LRRC4C: variants seen among roughly 807,000 people sequenced by gnomAD.
The protein encoded by LRRC4C is leucine-rich repeat-containing protein 4C.
In LRRC4C, 5 loss-of-function variants were observed where a neutral mutation model predicts 33.6. The ratio of observed to expected loss-of-function variants is 0.15; its 90% confidence interval spans 0.08 to 0.31. The LOEUF (loss-of-function observed/expected upper bound fraction) is 0.31, where lower values mean the gene tolerates loss of function less well. LRRC4C is among the 10% of genes least tolerant of loss of function. The pLI, the probability that LRRC4C is intolerant of heterozygous loss-of-function variation, is 1.00. For synonymous variants in LRRC4C, 329 were observed against 302.0 expected, an observed-to-expected ratio of 1.09 and a Z score of -0.93; for missense variants, 560 against 796.7, an observed-to-expected ratio of 0.70 and a Z score of 3.58.
intron 4 of LRRC4C, among the ~76,000 whole-genome samples, chr11:40,308,475 AC>A (rs1448704965): frequency 1.3e-5 from 2 of 152,196 alleles, no homozygotes; most frequent in African/African-American, 4.8e-5. Flanking sequence ...GGCAAAAGGG[AC>A]CTTGCAGGTA....
At chr11:40,695,804 G>T (rs1271201163) in intron 2 of LRRC4C, among the ~76,000 whole-genome samples, 1 of 151,834 alleles carries the variant, frequency 6.6e-6, no homozygotes, top group Non-Finnish European at 1.5e-5. Context: ...TTACTTACGA[G>T]GAGACAATGA....
At chr11:41,097,073 G>C (rs1326396212) in intron 1 of LRRC4C, among the ~76,000 whole-genome samples, 1 of 152,088 alleles carries the variant, frequency 6.6e-6, no homozygotes, top group African/African-American at 2.4e-5. Context: ...CTAAGAGATG[G>C]GGCAGGTTCT....
At chr11:40,438,899 T>C (rs1025532086) in intron 3 of LRRC4C, among the ~76,000 whole-genome samples, 3 of 150,806 alleles carry the variant, frequency 2.0e-5, no homozygotes, top group African/African-American at 7.3e-5. Flanking sequence ...GTTTTTCAAA[T>C]CTACAGGGTT....
intron 1 of LRRC4C, among the ~76,000 whole-genome samples, chr11:41,176,405 T>C (rs941922876): frequency 6.6e-6 from 1 of 152,156 alleles, no homozygotes; most frequent in African/African-American, 2.4e-5. Context: ...TTCACAATAA[T>C]TCCCAGTCAA....
intron 1 of LRRC4C, among the ~76,000 whole-genome samples, chr11:41,445,142 G>A (rs902366403): frequency 1.1e-4 from 17 of 152,128 alleles, no homozygotes; most frequent in African/African-American, 3.9e-4. Context: ...AGCTCCGGCA[G>A]TAAACTGTAC....
intron 1 of LRRC4C, among the ~76,000 whole-genome samples, chr11:40,957,791 A>G (rs1031399182): frequency 1.3e-4 from 20 of 151,658 alleles, no homozygotes; most frequent in African/African-American, 4.4e-4. Flanking sequence ...GGGGTTTCCA[A>G]TGCAGATTTC....
intron 5 of LRRC4C, among the ~76,000 whole-genome samples, chr11:40,204,023 A>G (rs1862963686): frequency 6.6e-6 from 1 of 152,160 alleles, no homozygotes; most frequent in African/African-American, 2.4e-5. Flanking sequence ...CCTGGGCTCA[A>G]GAGACCATCA....
chr11:40,244,478 A>G (rs1378663757), intron 4 of LRRC4C, among the ~76,000 whole-genome samples: 3 of 152,206 alleles, frequency 2.0e-5, no homozygotes, highest in Admixed American at 2.0e-4. Flanking sequence ...ACACCTGGAT[A>G]GACTTTCGCC....
chr11:40,628,395 G>A (rs534404368), intron 3 of LRRC4C, among the ~76,000 whole-genome samples: 10 of 152,068 alleles, frequency 6.6e-5, no homozygotes, highest in South Asian at 2.1e-4. Flanking sequence ...GGAGAACGGC[G>A]TGAACCCGGG....
intron 3 of LRRC4C, among the ~76,000 whole-genome samples, chr11:40,526,502 G>C (rs1175290198): frequency 6.6e-6 from 1 of 151,952 alleles, no homozygotes. Flanking sequence ...AGTCACCAGG[G>C]AAATACAAAT....
chr11:40,413,353 T>C (rs1259433717), intron 3 of LRRC4C, among the ~76,000 whole-genome samples: 1 of 152,064 alleles, frequency 6.6e-6, no homozygotes, highest in Non-Finnish European at 1.5e-5. Context: ...AATGGGATTG[T>C]TTTATATGGC....
intron 2 of LRRC4C, among the ~76,000 whole-genome samples, chr11:40,878,652 T>C (rs953122266): frequency 1.3e-5 from 2 of 152,198 alleles, no homozygotes; most frequent in African/African-American, 4.8e-5. Context: ...CTGTGCAGCC[T>C]GGTGTTTTGG....
chr11:41,028,653 T>A lies in LRRC4C; in HGVS notation c.-495-94930A>T, dbSNP rs189107029. 7.0e-3 allele frequency among the ~76,000 whole-genome samples: 1,065 copies of A among 151,364 alleles called. 11 individuals carry two copies. The highest frequency in any genetic ancestry group is 0.024 in the African/African-American group (986 of 41,368). On this transcript the variant is annotated intron_variant, in intron 1 of 6. Transcript: ENST00000528697. ...TCAAGTCTAAACTCCACCTTGCCAT[T>A]CAAAGCCTTGAAGAGGGCCTCAATT...
intron 1 of LRRC4C, among the ~76,000 whole-genome samples, chr11:41,044,721 A>G (rs1273795966): frequency 1.3e-5 from 2 of 152,146 alleles, no homozygotes; most frequent in Non-Finnish European, 2.9e-5. Flanking sequence ...TATGTGATAT[A>G]CTAGTGGAGA....
chr11:40,729,927 T>TA (rs1479042154), intron 2 of LRRC4C, among the ~76,000 whole-genome samples: 13 of 152,090 alleles, frequency 8.5e-5, no homozygotes, highest in Non-Finnish European at 1.5e-4. Context: ...TATGCAGCCA[T>TA]AAAAAATGAT....
chr11:40,577,050 T>C (rs1243345145), intron 3 of LRRC4C, among the ~76,000 whole-genome samples: 1 of 152,206 alleles, frequency 6.6e-6, no homozygotes, highest in Non-Finnish European at 1.5e-5. Context: ...AACCTGTGTG[T>C]AGTCTTCTGT....
At position 40,743,265 on chromosome 11, in the gene LRRC4C, T is replaced by C. The variant is rs73473358; in HGVS notation, c.-406-94987A>G. On this transcript the variant is annotated intron_variant, in intron 2 of 6. Coordinates refer to ENST00000528697, the MANE Select transcript of LRRC4C (RefSeq NM_001258419.2). The stretch of plus-strand genomic sequence containing the variant: ...GGCACTTTGCTAAGTGTGTTATGAC[T>C]GTAAGCTCATGTCATTCTTAAAACA... 8.3e-4 allele frequency among the ~76,000 whole-genome samples: 127 copies of C among 152,182 alleles called. 1 individual carries two copies. Among genetic ancestry groups the C allele is most frequent in the African/African-American group, 3.0e-3 (125 of 41,560 alleles).
In LRRC4C at chr11:40,640,933, G is replaced by T. The variant is rs1023989617; in HGVS notation, c.-270+7209C>A. 2.0e-5 allele frequency among the ~76,000 whole-genome samples: 3 copies of T among 148,308 alleles called. No homozygotes were observed. The Admixed American group carries it at 2.0e-4, about 10-fold the overall frequency. ...CCGGAGGCTGAGGCAGAAGAATGGC[G>T]TGAACCTGGGAGGCGGAGCTTGCAG... On this transcript the variant is annotated intron_variant, in intron 3 of 6. Coordinates refer to ENST00000528697, the MANE Select transcript of LRRC4C (RefSeq NM_001258419.2).
At chr11:40,201,086 AAGAG>A (rs1044721600) in intron 5 of LRRC4C, among the ~76,000 whole-genome samples, 1 of 152,134 alleles carries the variant, frequency 6.6e-6, no homozygotes, top group Admixed American at 6.5e-5. Context: ...GACAGAGAAA[AAGAG>A]AGAGAGAATG....
Sources: allele counts gnomAD v4.1 joint callset (sites outside exome capture counted in the v4.1 genomes callset), GRCh38; gene constraint gnomAD v4.1.1; transcripts MANE v1.5; gene names NCBI Gene and HGNC (gene_info 2026-07-23, HGNC 2026-07-21).